ZNF592: variants seen among roughly 807,000 people sequenced by gnomAD.
The protein encoded by ZNF592 is zinc finger protein 592.
ZNF592 carries 11 observed loss-of-function variants against 80.3 expected under a neutral mutation model. The observed-to-expected ratio is 0.14, with a 90% confidence interval of 0.09 to 0.23. The LOEUF (loss-of-function observed/expected upper bound fraction) is 0.23, where lower values mean the gene tolerates loss of function less well. Among genes scored for constraint, ZNF592 ranks in the 10% least tolerant of loss-of-function variants. The probability of loss-of-function intolerance (pLI) is 1.00; values close to 1 mark genes in which losing one functional copy is unlikely to be tolerated. For synonymous variants in ZNF592, 646 were observed against 640.3 expected (o/e 1.01, Z -0.13); for missense variants, 1,420 against 1,633.9 (o/e 0.87, Z 2.26).
At chr15:84,759,076 T>G (rs1899268162) in intron 1 of ZNF592, among the ~76,000 whole-genome samples, 2 of 152,170 alleles carry the variant, frequency 1.3e-5, no homozygotes, top group South Asian at 2.1e-4. Context: ...AACCTCAAGA[T>G]TTTAAATATA....
At position 84,798,938 on chromosome 15, in the gene ZNF592, A is replaced by G; in HGVS notation, c.3024+63A>G. On this transcript the variant is annotated intron_variant, in intron 8 of 10. Coordinates refer to ENST00000560079, the MANE Select transcript of ZNF592 (RefSeq NM_014630.3). This position sits in a 1 kb window ranked among gnomAD's most constrained non-coding sequence, Gnocchi z 4.5. ...CCTCTGGACTTCCTTCTGTGAAGCC[A>G]GAACCCCTAGGGTTCCTGGTGCTTA... 14 of 1,599,472 alleles carry G rather than the reference A, an allele frequency of 8.8e-6. No homozygotes were observed. Among genetic ancestry groups the G allele is most frequent in the Non-Finnish European group, 1.1e-5 (13 of 1,177,066 alleles).
intron 1 of ZNF592, among the ~76,000 whole-genome samples, chr15:84,756,743 T>A (rs1000308352): frequency 8.5e-5 from 13 of 152,188 alleles, no homozygotes; most frequent in Non-Finnish European, 1.5e-5. Context: ...TTATATATAT[T>A]TTTTAAGAGA....
chr15:84,795,272 A>G (rs775565382), intron 5 of ZNF592, among the ~76,000 whole-genome samples: 1 of 152,200 alleles, frequency 6.6e-6, no homozygotes, highest in African/African-American at 2.4e-5. Flanking sequence ...GTTGTTTATT[A>G]TCTTTTCTAA....
chr15:84,775,056 C>T (rs1231946303), intron 2 of ZNF592, among the ~76,000 whole-genome samples: 13 of 152,076 alleles, frequency 8.5e-5, no homozygotes, highest in Admixed American at 8.5e-4. Context: ...GCTGAGATTA[C>T]AGGCATGAGT....
chr15:84,799,202 C>T lies in ZNF592; in HGVS notation c.3129C>T (p.Tyr1043=). ...RNNHDTVKKF[Y]TCGYCTEDSP... ...ACCATGACACAGTAAAGAAGTTCTACACCTGCGGGTGAGTCCCTGGGGATA... is the reference window on the plus strand; with the variant it reads ...ACCATGACACAGTAAAGAAGTTCTATACCTGCGGGTGAGTCCCTGGGGATA... The change falls in exon 9 of 11, where the codon TAC becomes TAT. Residue 1043 remains tyrosine (Y), a synonymous_variant. Transcript: ENST00000560079. The surrounding 1 kb of genome is among the most constrained non-coding windows in gnomAD (Gnocchi z 4.2). 1 of 1,614,162 alleles carries T rather than the reference C, an allele frequency of 6.2e-7. No individual in the cohort carries two copies. The highest frequency in any genetic ancestry group is 8.5e-7 in the Non-Finnish European group (1 of 1,180,030).
At chr15:84,772,957 G>A (rs759743803) in intron 2 of ZNF592, among the ~76,000 whole-genome samples, 2 of 152,126 alleles carry the variant, frequency 1.3e-5, no homozygotes, top group African/African-American at 2.4e-5. Context: ...TAGCATTGCT[G>A]AGGTAACAGA....
chr15:84,784,494 G>A lies in ZNF592; in HGVS notation c.1819G>A (p.Gly607Ser), dbSNP rs1339163570. The change falls in exon 4 of 11, where the codon GGC (glycine) becomes AGC (serine). Residue 607 changes from glycine (G) to serine (S), a missense_variant. Physicochemically the swap from Gly to Ser is moderately conservative, Grantham distance 56. Transcript: ENST00000560079. The surrounding 1 kb of genome is among the most constrained non-coding windows in gnomAD (Gnocchi z 5.8). ...ALEKSLSQHY[G>S]RRSVHIEVLC... ...AGAGAAGAGCCTGAGCCAGCACTAT[G>A]GCCGGCGGAGCGTCCACATTGAGGT... The A allele has an allele frequency of 6.2e-7, 1 of 1,614,208 alleles. No individual in the cohort carries two copies. Among genetic ancestry groups the A allele is most frequent in the Admixed American group, 1.7e-5 (1 of 60,032 alleles).
At position 84,798,464 on chromosome 15, in the gene ZNF592, A is replaced by G. The variant is rs1360327071; in HGVS notation, c.2726A>G (p.Gln909Arg). 2.5e-6 allele frequency: 4 copies of G among 1,613,994 alleles called. No individual in the cohort carries two copies. The highest frequency in any genetic ancestry group is 3.4e-6 in the Non-Finnish European group (4 of 1,179,886). Reference sequence around the variant, plus strand: ...TTCGTGCAGAAGCCGGAGTTGATGCAACACGTCAAGGTGGGATGCCTTGCG... The same window carrying G: ...TTCGTGCAGAAGCCGGAGTTGATGCGACACGTCAAGGTGGGATGCCTTGCG... ...LLFVQKPELM[Q>R]HVKSTHGVPR... Residue 909 changes from glutamine (Q) to arginine (R), a missense_variant, in exon 7 of 11, where the codon CAA (glutamine) becomes CGA (arginine). This residue lies in a region of ZNF592 where 331 missense variants were observed against 347.0 expected (regional missense o/e 0.95). Transcript: ENST00000560079. The surrounding 1 kb of genome is among the most constrained non-coding windows in gnomAD (Gnocchi z 4.5).
chr15:84,759,899 A>G (rs1484676815), intron 1 of ZNF592, among the ~76,000 whole-genome samples: 1 of 150,390 alleles, frequency 6.6e-6, no homozygotes, highest in Non-Finnish European at 1.5e-5. Context: ...TGCCTTGTAC[A>G]GGGGTTTTGA....
chr15:84,756,156 C>G (rs1899163620), intron 1 of ZNF592, among the ~76,000 whole-genome samples: 1 of 152,198 alleles, frequency 6.6e-6, no homozygotes, highest in African/African-American at 2.4e-5. Context: ...TTGTAACCCT[C>G]ACATGCATTC....
intron 1 of ZNF592, among the ~76,000 whole-genome samples, 161 bp downstream of exon 1, chr15:84,748,825 C>T (rs868636818): frequency 1.1e-4 from 16 of 147,350 alleles, no homozygotes; most frequent in African/African-American, 2.4e-4. Flanking sequence ...GCAGCCACTT[C>T]CCCCGACCGC....
At position 84,766,485 on chromosome 15, in the gene ZNF592, G is replaced by T. The variant is rs139292781; in HGVS notation, c.-150+1670G>T. ...GGGCCCTACTTTCTTGCTGAAGGCTGGCTTCCCTCAGGTCTGAGCAGTCAT... is the reference window on the plus strand; with the variant it reads ...GGGCCCTACTTTCTTGCTGAAGGCTTGCTTCCCTCAGGTCTGAGCAGTCAT... On this transcript the variant is annotated intron_variant, in intron 2 of 10. Coordinates refer to ENST00000560079, the MANE Select transcript of ZNF592 (RefSeq NM_014630.3). Among the ~76,000 whole-genome samples the T allele has an allele frequency of 2.0e-5, 3 of 152,196 alleles. No individual in the cohort carries two copies. In the East Asian group the frequency reaches 5.8e-4, roughly 29 times the overall value.
chr15:84,758,256 A>G (rs1171462854), intron 1 of ZNF592, among the ~76,000 whole-genome samples: 1 of 152,050 alleles, frequency 6.6e-6, no homozygotes, highest in Non-Finnish European at 1.5e-5. Flanking sequence ...TACAGGCATG[A>G]GCCACAGCGC....
chr15:84,757,497 A>G (rs1055444175), intron 1 of ZNF592, among the ~76,000 whole-genome samples: 1 of 151,750 alleles, frequency 6.6e-6, no homozygotes, highest in Non-Finnish European at 1.5e-5. Flanking sequence ...CATGGGCCAC[A>G]ATGCCTGGTT....
At chr15:84,775,832 T>C (rs181346296) in intron 2 of ZNF592, among the ~76,000 whole-genome samples, 8 of 152,346 alleles carry the variant, frequency 5.3e-5, no homozygotes, top group African/African-American at 1.7e-4. Context: ...CTAGTTGATA[T>C]GTTTACTTAA....
In ZNF592 at chr15:84,783,888, C is replaced by A; in HGVS notation, c.1213C>A (p.Pro405Thr). 6.2e-7 allele frequency: 1 copy of A among 1,614,156 alleles called. No individual in the cohort carries two copies. The highest frequency in any genetic ancestry group is 1.1e-5 in the South Asian group (1 of 91,082). ...LPDPDDPSKS[P>T]VGSPLGSAIA... ...AGATCCTGATGATCCAAGTAAGTCC[C>A]CTGTTGGGTCACCTCTAGGGAGCGC... The change falls in exon 4 of 11, where the codon CCT (proline) becomes ACT (threonine). Residue 405 changes from proline (P) to threonine (T), a missense_variant. Physicochemically the swap from Pro to Thr is conservative, Grantham distance 38. Around this residue, in one of 7 missense-constraint regions of ZNF592, gnomAD observed 524 missense variants for 628.3 expected, o/e 0.83. Coordinates refer to ENST00000560079, the MANE Select transcript of ZNF592 (RefSeq NM_014630.3). This position sits in a 1 kb window ranked among gnomAD's most constrained non-coding sequence, Gnocchi z 5.0.
rs1411829092 is a variant in ZNF592, at chr15:84,803,155, G to T, written c.*762G>T. ...CTGTTCTGCCTTTCCTGACAGGTGG[G>T]GTTGGGGCACACAGACATTGGAATA... On this transcript the variant is annotated 3_prime_UTR_variant, in exon 11 of 11. Transcript: ENST00000560079. 6.6e-6 allele frequency: 1 copy of T among 152,524 alleles called. No homozygotes were observed. The highest frequency in any genetic ancestry group is 1.5e-5 in the Non-Finnish European group (1 of 68,048). The allele number at this position is 152,524 out of a possible 1,614,324, so 9.4% of individuals were successfully genotyped here.
chr15:84,770,159 G>T (rs2141973302), intron 2 of ZNF592, among the ~76,000 whole-genome samples: 1 of 152,304 alleles, frequency 6.6e-6, no homozygotes, highest in South Asian at 2.1e-4. Context: ...AGAAAGAGAG[G>T]TTTAGGCCTA....
rs1050417750 is a variant in ZNF592, at chr15:84,777,697, T to C, written c.-149-486T>C. 9.3e-4 allele frequency among the ~76,000 whole-genome samples: 124 copies of C among 133,864 alleles called. 8 individuals carry two copies. Among genetic ancestry groups the C allele is most frequent in the South Asian group, 3.1e-3 (12 of 3,812 alleles). 87.8% of individuals were successfully genotyped at this position (133,864 alleles called of 152,430 possible). On this transcript the variant is annotated intron_variant, in intron 2 of 10. Coordinates refer to ENST00000560079, the MANE Select transcript of ZNF592 (RefSeq NM_014630.3). ...AATAATTTCGTCTGTTGAGATACTT[T>C]TTTTTTTTTTTTTTTTTTTTGAGAT...
Sources: allele counts gnomAD v4.1 joint callset (sites outside exome capture counted in the v4.1 genomes callset), GRCh38; gene constraint gnomAD v4.1.1; regional missense constraint gnomAD v4.1.1; non-coding constraint Gnocchi (gnomAD v3.1); transcripts MANE v1.5; gene names NCBI Gene and HGNC (gene_info 2026-07-23, HGNC 2026-07-21).